PTCD3: variants seen among roughly 807,000 people sequenced by gnomAD.
PTCD3 encodes small ribosomal subunit protein mS39.
In PTCD3, 89 loss-of-function variants were observed where a neutral mutation model predicts 101.9. The ratio of observed to expected loss-of-function variants is 0.87; its 90% confidence interval spans 0.74 to 1.04. The LOEUF (loss-of-function observed/expected upper bound fraction) is 1.04, where lower values mean the gene tolerates loss of function less well. PTCD3 is among the 50% of genes least tolerant of loss of function. The pLI is 0.00. For missense variants in PTCD3, 870 were observed against 828.2 expected, an observed-to-expected ratio of 1.05 and a Z score of -0.62; for synonymous variants, 296 against 278.5, an observed-to-expected ratio of 1.06 and a Z score of -0.63.
At chr2:86,127,111 G>T in intron 12 of PTCD3, 50 bp from the exon 13 acceptor site, 1 of 1,515,556 alleles carries the variant, frequency 6.6e-7, no homozygotes, top group Non-Finnish European at 9.0e-7. Context: ...ATAGATTATT[G>T]GACAGATTAC....
At position 86,106,258 on chromosome 2, in the gene PTCD3, T is replaced by C. The variant is rs1370224749; in HGVS notation, c.11T>C (p.Val4Ala). The change falls in exon 1 of 24, where the codon GTA becomes GCA. Residue 4 changes from valine to alanine, a missense_variant. Val to Ala is a moderately conservative substitution (Grantham distance 64). Coordinates refer to ENST00000254630, the MANE Select transcript of PTCD3 (RefSeq NM_017952.6). MAVVSAVRWLGLRS... is the reference protein window; with the variant it reads MAVASAVRWLGLRS... Reference sequence around the variant, plus strand: ...GCAGAGAAATCAAAGATGGCGGTTGTATCTGCTGTTCGCTGGCTGGGCCTC... The same window carrying C: ...GCAGAGAAATCAAAGATGGCGGTTGCATCTGCTGTTCGCTGGCTGGGCCTC... 3.7e-6 allele frequency: 6 copies of C among 1,613,946 alleles called. No individual in the cohort carries two copies. The highest frequency in any genetic ancestry group is 1.7e-5 in the Admixed American group (1 of 60,004).
intron 4 of PTCD3, among the ~76,000 whole-genome samples, chr2:86,115,205 A>G (rs536632919): frequency 1.1e-4 from 17 of 152,308 alleles, no homozygotes; most frequent in Admixed American, 4.6e-4. Context: ...AGACCTTCCT[A>G]AGGATAATGG....
chr2:86,116,530 G>T lies in PTCD3; in HGVS notation c.241G>T (p.Asp81Tyr). The change falls in exon 5 of 24, where the codon GAT becomes TAT. Residue 81 changes from aspartate (D) to tyrosine (Y), a missense_variant and splice_region_variant. Physicochemically the swap from Asp to Tyr is radical, Grantham distance 160. Coordinates refer to ENST00000254630, the MANE Select transcript of PTCD3 (RefSeq NM_017952.6). ...AAATTGTATTATGTCTTTTCCACAG[G>T]ATACCACAGCTGTGCCTTATGTGTT... ...LQALASTVNR[D>Y]TTAVPYVFQD... is the part of the protein sequence containing the mutation. 1 of 1,605,820 alleles carries T rather than the reference G, an allele frequency of 6.2e-7. No individual in the cohort carries two copies. The highest frequency in any genetic ancestry group is 8.5e-7 in the Non-Finnish European group (1 of 1,172,642).
chr2:86,124,923 C>G (rs1202045926), intron 9 of PTCD3, 72 bp from the exon 10 acceptor site: 21 of 1,567,678 alleles, frequency 1.3e-5, no homozygotes, highest in Non-Finnish European at 1.8e-5. Flanking sequence ...CATAATAAAC[C>G]GTCAGTAAAT....
At chr2:86,107,163 C>T (rs1232507059) in intron 1 of PTCD3, 1 of 471,214 alleles carries the variant, frequency 2.1e-6, no homozygotes, top group African/African-American at 2.0e-5. Flanking sequence ...CTGCAGAAAC[C>T]TTTGTGCTGC....
At chr2:86,129,198 G>T (rs1674452473) in intron 14 of PTCD3, among the ~76,000 whole-genome samples, 1 of 152,202 alleles carries the variant, frequency 6.6e-6, no homozygotes, top group Non-Finnish European at 1.5e-5. Context: ...GATGGAGCTA[G>T]TATTTCTGAC....
intron 7 of PTCD3, among the ~76,000 whole-genome samples, chr2:86,121,020 T>G (rs146520394): frequency 6.6e-6 from 1 of 152,240 alleles, no homozygotes; most frequent in Admixed American, 6.5e-5. Context: ...GAACAATTTT[T>G]AAGAGACTAC....
intron 3 of PTCD3, chr2:86,110,848 G>A: frequency 1.5e-6 from 1 of 680,552 alleles, no homozygotes; most frequent in South Asian, 1.5e-5. Flanking sequence ...AGTTTTATGA[G>A]GGCGGGATGG....
chr2:86,113,568 G>A (rs1674126587), intron 4 of PTCD3, among the ~76,000 whole-genome samples: 1 of 152,172 alleles, frequency 6.6e-6, no homozygotes, highest in South Asian at 2.1e-4. Flanking sequence ...CAGTTTGGGA[G>A]GTCAAGGCGG....
chr2:86,118,770 TA>T, intron 6 of PTCD3, 150 bp from the exon 7 acceptor site: 1 of 825,380 alleles, frequency 1.2e-6, no homozygotes, highest in Non-Finnish European at 1.9e-6. Context: ...ACAGTGATGT[TA>T]AAATGATCAG....
chr2:86,136,968 C>T lies in PTCD3; in HGVS notation c.1821-14C>T. 6.2e-7 allele frequency: 1 copy of T among 1,612,598 alleles called. No individual in the cohort carries two copies. Among genetic ancestry groups the T allele is most frequent in the Non-Finnish European group, 8.5e-7 (1 of 1,179,838 alleles). On this transcript the variant is annotated splice_polypyrimidine_tract_variant and intron_variant, in intron 22 of 23. Coordinates refer to ENST00000254630, the MANE Select transcript of PTCD3 (RefSeq NM_017952.6). ...GGGGCTGGAGAAAGTTCACACTTTGCCTTTCTTTTACAGAAGTGAGTTGCT... is the reference window on the plus strand; with the variant it reads ...GGGGCTGGAGAAAGTTCACACTTTGTCTTTCTTTTACAGAAGTGAGTTGCT...
intron 13 of PTCD3, chr2:86,127,652 T>G: frequency 2.1e-6 from 1 of 472,744 alleles, no homozygotes. Flanking sequence ...TTAATTACTT[T>G]ATTGAAAGTT....
intron 20 of PTCD3, 140 bp from the exon 21 acceptor site, chr2:86,134,698 TA>T: frequency 1.0e-6 from 1 of 991,466 alleles, no homozygotes; most frequent in East Asian, 2.4e-5. Flanking sequence ...CTTTTTTTAT[TA>T]AATTACTTGT....
intron 9 of PTCD3, among the ~76,000 whole-genome samples, chr2:86,124,719 A>G (rs1674351061): frequency 6.6e-6 from 1 of 152,238 alleles, no homozygotes; most frequent in Non-Finnish European, 1.5e-5. Context: ...CTTGTTTTTA[A>G]TAGCACAGAT....
intron 12 of PTCD3, 94 bp from the exon 13 acceptor site, chr2:86,127,067 G>A: frequency 8.6e-7 from 1 of 1,162,502 alleles, no homozygotes; most frequent in Admixed American, 2.6e-5. Context: ...TTAAACATAA[G>A]CAAGAAAGCT....
Position 86,125,204 on chromosome 2 carries a change from G to C in PTCD3, c.804+122G>C, listed in dbSNP as rs920618371. ...GGGTCTGTCCTGTGCATTGTAGGATGTTAGTAGCTCCCTGGCTTCTACCCA... is the reference window on the plus strand; with the variant it reads ...GGGTCTGTCCTGTGCATTGTAGGATCTTAGTAGCTCCCTGGCTTCTACCCA... On this transcript the variant is annotated intron_variant, in intron 10 of 23. Transcript: ENST00000254630. 77 of 1,447,654 alleles carry C rather than the reference G, an allele frequency of 5.3e-5. No homozygotes were observed. In the Middle Eastern group the frequency reaches 6.1e-4, roughly 11 times the overall value. The allele number at this position is 1,447,654 out of a possible 1,614,324, so 89.7% of individuals were successfully genotyped here. A position where few individuals can be genotyped will look rare whatever the true frequency, so the allele number is the denominator to read the frequency against.
Position 86,114,289 on chromosome 2 carries a change from C to CT in PTCD3, c.241-2228dup, listed in dbSNP as rs536484959. Among the ~76,000 whole-genome samples the CT allele has an allele frequency of 3.0e-3, 436 of 143,992 alleles. 2 individuals are homozygous for CT. Among genetic ancestry groups the CT allele is most frequent in the Middle Eastern group, 0.014 (4 of 278 alleles). The allele number at this position is 143,992 out of a possible 152,430, so 94.5% of individuals were successfully genotyped here. A position where few individuals can be genotyped will look rare whatever the true frequency, so the allele number is the denominator to read the frequency against. On this transcript the variant is annotated intron_variant, in intron 4 of 23. Coordinates refer to ENST00000254630, the MANE Select transcript of PTCD3 (RefSeq NM_017952.6). ...GAGAAAGGAATTCTTTTTTTTCTTT[C>CT]TTTTTTTTTTTTTAAAGAGACGGAG...
At chr2:86,128,137 A>G (rs1674429205) in intron 14 of PTCD3, 146 bp downstream of exon 14, 1 of 727,494 alleles carries the variant, frequency 1.4e-6, no homozygotes, top group African/African-American at 1.8e-5. Context: ...CTGAGCAGAA[A>G]GTTGTGGTTT....
At chr2:86,121,766 AAC>A (rs1472603489) in intron 8 of PTCD3, among the ~76,000 whole-genome samples, 172 bp downstream of exon 8, 2 of 152,204 alleles carry the variant, frequency 1.3e-5, no homozygotes, top group Non-Finnish European at 2.9e-5. Context: ...AGAGATTTTA[AAC>A]AGTTACTTCT....
Sources: gnomAD v4.1 joint callset for allele counts (sites outside exome capture counted in the v4.1 genomes callset) on GRCh38, gnomAD v4.1.1 for gene constraint, MANE v1.5 for transcripts, NCBI Gene and HGNC (gene_info 2026-07-23, HGNC 2026-07-21) for gene names.